The following TMEM9 variants were observed in gnomAD, a reference collection of about 807,000 sequenced individuals.
TMEM9 encodes transmembrane protein 9.
In TMEM9, 13 loss-of-function variants were observed where a neutral mutation model predicts 22.8. That is an observed-to-expected ratio of 0.57 (90% CI 0.37 to 0.91). The LOEUF is 0.91. Among genes scored for constraint, TMEM9 ranks in the 40% least tolerant of loss-of-function variants. TMEM9 has a pLI of 0.01. For synonymous variants in TMEM9, 88 were observed against 93.0 expected (o/e 0.95, Z 0.31); for missense variants, 182 against 238.1 (o/e 0.76, Z 1.55).
intron 1 of TMEM9, among the ~76,000 whole-genome samples, chr1:201,159,519 A>G (rs1447289725): frequency 2.9e-5 from 4 of 136,270 alleles, no homozygotes; most frequent in Non-Finnish European, 6.3e-5. Context: ...ACACACACAC[A>G]CAGCTCTCTC....
chr1:201,167,363 C>G (rs985962248), intron 1 of TMEM9, among the ~76,000 whole-genome samples: 1 of 152,066 alleles, frequency 6.6e-6, no homozygotes, highest in Admixed American at 6.6e-5. Context: ...TTGGTTGGGT[C>G]GGAGATAAAA....
chr1:201,157,885 C>G (rs747524086), upstream of TMEM9, among the ~76,000 whole-genome samples: 1 of 152,106 alleles, frequency 6.6e-6, no homozygotes, highest in Non-Finnish European at 1.5e-5. Flanking sequence ...AGAACAATGT[C>G]GCACCCCCAA....
Position 201,135,342 on chromosome 1 carries a change from G to A in TMEM9, c.*321C>T, listed in dbSNP as rs1490209615. The stretch of plus-strand genomic sequence containing the variant: ...TTCCCAAGACTCAGAGCTGGAAGGC[G>A]GCAAGAGTGGAGCCAGGAGAGACAG... On this transcript the variant is annotated 3_prime_UTR_variant, in exon 5 of 5. Transcript: ENST00000367330. The A allele has an allele frequency of 9.2e-6, 2 of 217,294 alleles. No homozygotes were observed. Among genetic ancestry groups the A allele is most frequent in the African/African-American group, 2.3e-5 (1 of 43,844 alleles). 13.5% of individuals were successfully genotyped at this position (217,294 alleles called of 1,614,324 possible).
intron 1 of TMEM9, among the ~76,000 whole-genome samples, chr1:201,164,506 T>G (rs779404253): frequency 6.6e-6 from 1 of 152,216 alleles, no homozygotes; most frequent in Non-Finnish European, 1.5e-5. Flanking sequence ...CTGAGCCATA[T>G]AAAATTGCCA....
intron 2 of TMEM9, among the ~76,000 whole-genome samples, chr1:201,150,885 G>C (rs538274252): frequency 6.6e-6 from 1 of 152,294 alleles, no homozygotes; most frequent in Middle Eastern, 3.4e-3. Flanking sequence ...ATCTGATGTT[G>C]ATCTCTTCTA....
upstream of TMEM9, among the ~76,000 whole-genome samples, chr1:201,158,275 C>A (rs1043678325): frequency 3.9e-5 from 6 of 152,158 alleles, no homozygotes; most frequent in African/African-American, 1.4e-4. Context: ...AGACTTATGG[C>A]CTACAGAGCT....
chr1:201,135,372 C>CCGTATCATTAAAAA lies in TMEM9; in HGVS notation c.*290_*291insTTTTTAATGATACG. The CCGTATCATTAAAAA allele has an allele frequency of 3.7e-6, 1 of 270,562 alleles. No individual in the cohort carries two copies. The highest frequency in any genetic ancestry group is 6.9e-6 in the Non-Finnish European group (1 of 144,152). The allele number at this position is 270,562 out of a possible 1,614,324, so 16.8% of individuals were successfully genotyped here. A position where few individuals can be genotyped will look rare whatever the true frequency, so the allele number is the denominator to read the frequency against. On this transcript the variant is annotated 3_prime_UTR_variant, in exon 5 of 5. Coordinates refer to ENST00000367330, the MANE Select transcript of TMEM9 (RefSeq NM_001288565.2). ...GAGTGGAGCCAGGAGAGACAGATCGCATCCACTCCTGAGGCCGCCTCGAAT... is the reference window on the plus strand; with the variant it reads ...GAGTGGAGCCAGGAGAGACAGATCGCCGTATCATTAAAAAATCCACTCCTGAGGCCGCCTCGAAT...
intron 2 of TMEM9, among the ~76,000 whole-genome samples, chr1:201,148,711 T>C (rs1019716426): frequency 7.2e-5 from 11 of 152,226 alleles, no homozygotes; most frequent in Admixed American, 6.5e-4. Flanking sequence ...GGATTAAGAA[T>C]GGGATGTGCT....
chr1:201,165,315 G>C (rs570166902), intron 1 of TMEM9, among the ~76,000 whole-genome samples: 17 of 151,522 alleles, frequency 1.1e-4, no homozygotes, highest in African/African-American at 4.1e-4. Context: ...GAAGGTATAG[G>C]TTTGCTACCT....
rs780477688 is a variant in TMEM9, at chr1:201,153,941, G to A, written c.-18C>T. 3.1e-6 allele frequency: 5 copies of A among 1,597,526 alleles called. No individual in the cohort carries two copies. Among genetic ancestry groups the A allele is most frequent in the Middle Eastern group, 3.3e-4 (2 of 5,986 alleles). ...AGCTTCATGCTTATCAGGCTTGCTG[G>A]GCCAGCAAAGCCGGACACCTGGAAA... On this transcript the variant is annotated 5_prime_UTR_variant, in exon 1 of 5. Transcript: ENST00000367330.
chr1:201,142,910 G>A (rs1204556022), intron 4 of TMEM9, among the ~76,000 whole-genome samples: 1 of 152,266 alleles, frequency 6.6e-6, no homozygotes, highest in African/African-American at 2.4e-5. Flanking sequence ...CCTGGGGAGT[G>A]CAGGGCTCAT....
At chr1:201,140,817 C>T (rs926089031) in intron 4 of TMEM9, among the ~76,000 whole-genome samples, 4 of 152,188 alleles carry the variant, frequency 2.6e-5, no homozygotes, top group African/African-American at 4.8e-5. Context: ...TGACTTTGTT[C>T]CTCTTGGGGT....
chr1:201,166,278 G>T (rs1331027001), intron 1 of TMEM9, among the ~76,000 whole-genome samples: 1 of 151,724 alleles, frequency 6.6e-6, no homozygotes, highest in South Asian at 2.1e-4. Context: ...CCAGTTAGTT[G>T]GTCACTACCC....
chr1:201,149,936 CT>C (rs1224789090), intron 2 of TMEM9, among the ~76,000 whole-genome samples: 1 of 152,186 alleles, frequency 6.6e-6, no homozygotes, highest in Non-Finnish European at 1.5e-5. Context: ...ACCCACCACC[CT>C]TAATGGAGCT....
intron 1 of TMEM9, among the ~76,000 whole-genome samples, chr1:201,161,875 A>G (rs1572139406): frequency 6.6e-6 from 1 of 152,292 alleles, no homozygotes; most frequent in East Asian, 1.9e-4. Flanking sequence ...CTACTTATGC[A>G]CTTTTTGGTT....
intron 1 of TMEM9, 85 bp from the exon 2 acceptor site, chr1:201,151,937 T>TG (rs1665456164): frequency 1.0e-6 from 1 of 1,004,262 alleles, no homozygotes; most frequent in South Asian, 1.3e-5. Context: ...GTCAACTTTC[T>TG]GTTCCCCATC....
chr1:201,157,879 C>A (rs1460482962), upstream of TMEM9, among the ~76,000 whole-genome samples: 1 of 152,148 alleles, frequency 6.6e-6, no homozygotes, highest in African/African-American at 2.4e-5. Context: ...GTGGGCAGAA[C>A]AATGTCGCAC....
intron 1 of TMEM9, 148 bp from the exon 2 acceptor site, chr1:201,152,000 A>T: frequency 1.6e-6 from 1 of 623,466 alleles, no homozygotes; most frequent in Non-Finnish European, 2.9e-6. Context: ...CCCAAGTTCA[A>T]ATCCAGCAAG....
intron 3 of TMEM9, chr1:201,144,858 T>C (rs888037706): frequency 7.2e-5 from 11 of 152,166 alleles, no homozygotes; most frequent in Non-Finnish European, 1.3e-4. Flanking sequence ...ATGGTGGAGG[T>C]GTGACTCAAA....
Sources: allele counts gnomAD v4.1 joint callset (sites outside exome capture counted in the v4.1 genomes callset), GRCh38; gene constraint gnomAD v4.1.1; transcripts MANE v1.5; gene names NCBI Gene and HGNC (gene_info 2026-07-23, HGNC 2026-07-21).